The following PDLIM5 variants were observed in gnomAD, a reference collection of about 807,000 sequenced individuals.
PDLIM5 encodes PDZ and LIM domain protein 5.
PDLIM5 carries 34 observed loss-of-function variants against 64.2 expected under a neutral mutation model. The ratio of observed to expected loss-of-function variants is 0.53; its 90% CI spans 0.40 to 0.71. The LOEUF (loss-of-function observed/expected upper bound fraction) is 0.71, where lower values mean the gene tolerates loss of function less well. Among genes scored for constraint, PDLIM5 ranks in the 30% least tolerant of loss-of-function variants. PDLIM5 has a pLI of 0.00. For synonymous variants in PDLIM5, 253 were observed against 269.1 expected (o/e 0.94, Z 0.59); for missense variants, 683 against 733.6 (o/e 0.93, Z 0.80).
At chr4:94,609,127 T>A (rs1465425136) in intron 7 of PDLIM5, among the ~76,000 whole-genome samples, 1 of 152,166 alleles carries the variant, frequency 6.6e-6, no homozygotes, top group African/African-American at 2.4e-5. Flanking sequence ...GAGACTTATG[T>A]CAACCCTCAC....
intron 8 of PDLIM5, among the ~76,000 whole-genome samples, chr4:94,623,556 A>G (rs1355508908): frequency 1.3e-5 from 2 of 152,196 alleles, no homozygotes; most frequent in Admixed American, 6.5e-5. Flanking sequence ...TTGTTTACAT[A>G]GGTGTCTTTT....
chr4:94,498,835 A>G (rs1263574396), intron 2 of PDLIM5, among the ~76,000 whole-genome samples: 1 of 152,242 alleles, frequency 6.6e-6, no homozygotes, highest in Non-Finnish European at 1.5e-5. Context: ...ACCTTTCACA[A>G]GGCAATTAAA....
chr4:94,548,383 AAAT>A (rs1732510192), intron 3 of PDLIM5, among the ~76,000 whole-genome samples: 1 of 152,190 alleles, frequency 6.6e-6, no homozygotes, highest in Admixed American at 6.5e-5. Context: ...TAGAAGGAAA[AAAT>A]ACTCTGAACA....
In PDLIM5 at chr4:94,573,474, A is replaced by G. The variant is rs1043666066; in HGVS notation, c.291+81A>G. 4 of 1,058,860 alleles carry G rather than the reference A, an allele frequency of 3.8e-6. No individual in the cohort carries two copies. The African/African-American group carries it at 4.7e-5, about 12-fold the overall frequency. 65.6% of individuals were successfully genotyped at this position (1,058,860 alleles called of 1,614,324 possible). On this transcript the variant is annotated intron_variant, in intron 4 of 12. Coordinates refer to ENST00000317968, the MANE Select transcript of PDLIM5 (RefSeq NM_006457.5). ...GTAATTCCCATTACTGTCTCAGACC[A>G]TACTGACATTCATTTAATTTATAGT...
chr4:94,651,958 G>T (rs1741877631), intron 9 of PDLIM5, among the ~76,000 whole-genome samples: 2 of 152,182 alleles, frequency 1.3e-5, no homozygotes, highest in East Asian at 3.8e-4. Context: ...AATATGCTGT[G>T]ATTCACAGAA....
At chr4:94,554,505 G>C (rs1384279998) in intron 3 of PDLIM5, among the ~76,000 whole-genome samples, 3 of 152,118 alleles carry the variant, frequency 2.0e-5, no homozygotes, top group Non-Finnish European at 4.4e-5. Context: ...TAAAGACACA[G>C]ATTATACATT....
intron 2 of PDLIM5, chr4:94,457,336 T>A (rs1434399502): frequency 1.1e-5 from 2 of 174,034 alleles, no homozygotes; most frequent in East Asian, 3.8e-4. Context: ...ACACCTTTCA[T>A]GGTTAGATGA....
At chr4:94,526,987 G>A (rs1254380637) in intron 3 of PDLIM5, among the ~76,000 whole-genome samples, 1 of 149,710 alleles carries the variant, frequency 6.7e-6, no homozygotes, top group Non-Finnish European at 1.5e-5. Context: ...CACCTGCCTC[G>A]GCCTCCCAAA....
At chr4:94,582,805 C>A in intron 5 of PDLIM5, 1 of 927,650 alleles carries the variant, frequency 1.1e-6, no homozygotes, top group South Asian at 1.5e-5. Flanking sequence ...TTAATACTAC[C>A]AGCAAATTTT....
Position 94,575,790 on chromosome 4 carries a change from A to AC in PDLIM5, c.468dup (p.Thr157HisfsTer26). ...GTCTGCCTTCACCCCAGCCCATGCG[A>AC]CCACCTCATCACATGCTTCCCCTTC... On this transcript the variant is annotated frameshift_variant, in exon 5 of 13. Transcript: ENST00000317968. LOFTEE classifies it high-confidence loss of function. 1.2e-6 allele frequency: 2 copies of AC among 1,614,022 alleles called. No individual in the cohort carries two copies. The highest frequency in any genetic ancestry group is 1.7e-6 in the Non-Finnish European group (2 of 1,179,978).
At chr4:94,465,663 T>A (rs553063778) in intron 2 of PDLIM5, among the ~76,000 whole-genome samples, 1 of 152,300 alleles carries the variant, frequency 6.6e-6, no homozygotes, top group East Asian at 1.9e-4. Context: ...CTTATCAAAG[T>A]GCTGGGATTA....
At chr4:94,468,431 A>C (rs914763253) in intron 2 of PDLIM5, among the ~76,000 whole-genome samples, 1 of 152,188 alleles carries the variant, frequency 6.6e-6, no homozygotes, top group East Asian at 1.9e-4. Flanking sequence ...GGTGCCTGGC[A>C]TCTGTGCACT....
Position 94,648,657 on chromosome 4 carries a change from A to G in PDLIM5, c.1284-5803A>G, listed in dbSNP as rs577319099. ...GGGTTAGCTGAGTACCCTGCTCAGA[A>G]TCGCACCAGGCTGAAATCATGGTGT... On this transcript the variant is annotated intron_variant, in intron 9 of 12. Transcript: ENST00000317968. 1.5e-3 allele frequency among the ~76,000 whole-genome samples: 226 copies of G among 152,314 alleles called. 1 individual carries two copies. Among genetic ancestry groups the G allele is most frequent in the Admixed American group, 2.0e-3 (31 of 15,300 alleles).
At chr4:94,581,751 C>G (rs1036600240) in intron 5 of PDLIM5, among the ~76,000 whole-genome samples, 1 of 152,140 alleles carries the variant, frequency 6.6e-6, no homozygotes, top group African/African-American at 2.4e-5. Context: ...TGTTCTTTGG[C>G]AAACTATACA....
At chr4:94,566,727 A>G (rs940858313) in intron 3 of PDLIM5, among the ~76,000 whole-genome samples, 2 of 152,210 alleles carry the variant, frequency 1.3e-5, no homozygotes, top group Non-Finnish European at 2.9e-5. Flanking sequence ...AAAGGCGGGA[A>G]CTCTGTCTCT....
chr4:94,599,340 G>A (rs1737306730), intron 7 of PDLIM5, among the ~76,000 whole-genome samples: 6 of 152,092 alleles, frequency 3.9e-5, no homozygotes, highest in Non-Finnish European at 7.4e-5. Context: ...GAGGGTAATG[G>A]AGAGTGGAAA....
rs536185556 is a variant in PDLIM5, at chr4:94,480,051, A to T, written c.96+24667A>T. Among the ~76,000 whole-genome samples the T allele has an allele frequency of 2.6e-5, 4 of 152,374 alleles. No homozygotes were observed. The South Asian group carries it at 8.3e-4, about 32-fold the overall frequency. ...TTTAGTAGAAGATCACTAAATCAGC[A>T]GCTGTCTTTTTTTATTCAATTCTTT... On this transcript the variant is annotated intron_variant, in intron 2 of 12. Coordinates refer to ENST00000317968, the MANE Select transcript of PDLIM5 (RefSeq NM_006457.5).
At chr4:94,520,933 T>C (rs893948135) in intron 2 of PDLIM5, among the ~76,000 whole-genome samples, 3 of 152,226 alleles carry the variant, frequency 2.0e-5, no homozygotes, top group South Asian at 2.1e-4. Context: ...TTTGTGCTAA[T>C]TGATTGAGAA....
intron 3 of PDLIM5, among the ~76,000 whole-genome samples, chr4:94,549,569 A>G (rs1218782471): frequency 3.9e-5 from 6 of 152,224 alleles, no homozygotes; most frequent in Non-Finnish European, 5.9e-5. Context: ...TGTCTGTATA[A>G]TGGAACAATA....
Sources: allele counts gnomAD v4.1 joint callset (sites outside exome capture counted in the v4.1 genomes callset), GRCh38; gene constraint gnomAD v4.1.1; transcripts MANE v1.5; gene names NCBI Gene and HGNC (gene_info 2026-07-23, HGNC 2026-07-21).